The following RAPGEF2 variants were observed in gnomAD, a reference collection of about 807,000 sequenced individuals.
RAPGEF2 encodes PDZ domain containing guanine nucleotide exchange factor (GEF) 1.
RAPGEF2 carries 54 observed loss-of-function variants against 186.7 expected under a neutral mutation model. The observed-to-expected ratio is 0.29, with a 90% CI of 0.23 to 0.36. The LOEUF is 0.36. RAPGEF2 is among the 10% of genes least tolerant of loss of function. The probability of loss-of-function intolerance (pLI) is 1.00; values close to 1 mark genes in which losing one functional copy is unlikely to be tolerated. For synonymous variants in RAPGEF2, 712 were observed against 705.9 expected (o/e 1.01, Z -0.14); for missense variants, 1,532 against 2,045.0 (o/e 0.75, Z 4.84).
intron 1 of RAPGEF2, among the ~76,000 whole-genome samples, chr4:159,105,387 G>A (rs1046954182): frequency 1.3e-5 from 2 of 152,148 alleles, no homozygotes; most frequent in African/African-American, 4.8e-5. Context: ...TTTACTGTGG[G>A]GAGAGCATAA....
rs75566961 is a variant in RAPGEF2 at position 159,281,944 on chromosome 4, C to T, written c.544-22398C>T. Among the ~76,000 whole-genome samples, 1,397 of 152,194 alleles carry T rather than the reference C, an allele frequency of 9.2e-3. 11 individuals carry two copies. The highest frequency in any genetic ancestry group is 0.017 in the Middle Eastern group (5 of 294). On this transcript the variant is annotated intron_variant, in intron 7 of 29. Coordinates refer to ENST00000691494, the MANE Select transcript of RAPGEF2 (RefSeq NM_001394067.2). ...GTTATTGTTGTTAGATTGTAATGCT[C>T]GAGTCATTCCTATGTGGGTTGGAAC...
chr4:159,180,488 A>G (rs1364760036), intron 1 of RAPGEF2, among the ~76,000 whole-genome samples: 3 of 152,200 alleles, frequency 2.0e-5, no homozygotes. Context: ...AACTGCATCT[A>G]TAATAGCAGA....
At chr4:159,166,783 T>C (rs1292315442) in intron 1 of RAPGEF2, among the ~76,000 whole-genome samples, 2 of 152,240 alleles carry the variant, frequency 1.3e-5, no homozygotes, top group East Asian at 3.9e-4. Context: ...TTGTGATACA[T>C]GAGTAAATGT....
At chr4:159,118,497 C>T (rs1739301236) in intron 1 of RAPGEF2, among the ~76,000 whole-genome samples, 1 of 152,016 alleles carries the variant, frequency 6.6e-6, no homozygotes, top group Admixed American at 6.6e-5. Context: ...CCCCCCCGCC[C>T]AACCCTGTGG....
chr4:159,162,343 G>A (rs886151429), intron 1 of RAPGEF2, among the ~76,000 whole-genome samples: 1 of 148,980 alleles, frequency 6.7e-6, no homozygotes, highest in Non-Finnish European at 1.5e-5. Flanking sequence ...GTTACAGTGA[G>A]CTATGATAAC....
At chr4:159,244,134 A>AT (rs1266158311) in intron 7 of RAPGEF2, among the ~76,000 whole-genome samples, 5 of 151,776 alleles carry the variant, frequency 3.3e-5, no homozygotes, top group African/African-American at 7.2e-5. Flanking sequence ...GACATAAAGG[A>AT]TTTTTTTTCC....
At chr4:159,346,098 C>T (rs1730272471) in intron 24 of RAPGEF2, among the ~76,000 whole-genome samples, 1 of 152,188 alleles carries the variant, frequency 6.6e-6, no homozygotes, top group African/African-American at 2.4e-5. Context: ...TCTCCTCTTA[C>T]TAGCTGCAGC....
chr4:159,131,752 C>T (rs926195654), intron 1 of RAPGEF2, among the ~76,000 whole-genome samples: 1 of 151,368 alleles, frequency 6.6e-6, no homozygotes, highest in Non-Finnish European at 1.5e-5. Context: ...TACAGCCCGG[C>T]ATCTCCTTGT....
At chr4:159,286,634 C>T (rs549455726) in intron 7 of RAPGEF2, among the ~76,000 whole-genome samples, 5 of 152,248 alleles carry the variant, frequency 3.3e-5, no homozygotes, top group African/African-American at 1.2e-4. Flanking sequence ...CCATCTTACC[C>T]ACTCTGCTTC....
chr4:159,275,760 A>G (rs1465043390), intron 7 of RAPGEF2, among the ~76,000 whole-genome samples: 1 of 152,128 alleles, frequency 6.6e-6, no homozygotes, highest in Non-Finnish European at 1.5e-5. Flanking sequence ...AAAGTGGCAG[A>G]AAAGAACATC....
At chr4:159,326,472 A>G (rs1765940461) in intron 11 of RAPGEF2, among the ~76,000 whole-genome samples, 1 of 152,234 alleles carries the variant, frequency 6.6e-6, no homozygotes, top group African/African-American at 2.4e-5. Flanking sequence ...TTCCAAAATG[A>G]ATATTGGTTT....
chr4:159,148,584 C>T (rs188515674), intron 1 of RAPGEF2, among the ~76,000 whole-genome samples: 201 of 152,212 alleles, frequency 1.3e-3, no homozygotes, highest in Non-Finnish European at 2.3e-3. Context: ...TTTAACTACT[C>T]CTATTGAATG....
chr4:159,283,059 A>G (rs965973430), intron 7 of RAPGEF2, among the ~76,000 whole-genome samples: 2 of 152,208 alleles, frequency 1.3e-5, no homozygotes, highest in Non-Finnish European at 2.9e-5. Context: ...GGAAGTTATA[A>G]TATCTTCTTT....
chr4:159,228,680 G>T (rs1014292811), intron 4 of RAPGEF2, among the ~76,000 whole-genome samples: 2 of 152,044 alleles, frequency 1.3e-5, no homozygotes, highest in Non-Finnish European at 2.9e-5. Context: ...AATAGAAGCC[G>T]GTTAAAGTCC....
intron 3 of RAPGEF2, among the ~76,000 whole-genome samples, chr4:159,202,128 A>G (rs962233929): frequency 1.3e-5 from 2 of 152,142 alleles, no homozygotes; most frequent in Non-Finnish European, 2.9e-5. Flanking sequence ...GTTTCTGGAC[A>G]TTTTGCCTAT....
At chr4:159,139,405 A>G (rs1265835805) in intron 1 of RAPGEF2, among the ~76,000 whole-genome samples, 1 of 152,196 alleles carries the variant, frequency 6.6e-6, no homozygotes, top group Non-Finnish European at 1.5e-5. Context: ...ATTTCAGATC[A>G]TATTTCTGTA....
chr4:159,182,987 A>G (rs533789796), intron 1 of RAPGEF2, among the ~76,000 whole-genome samples: 14 of 152,350 alleles, frequency 9.2e-5, no homozygotes, highest in South Asian at 2.1e-4. Flanking sequence ...TAAGATGGCA[A>G]TACTACTCGG....
At position 159,332,598 on chromosome 4, in the gene RAPGEF2, T is replaced by A; in HGVS notation, c.2036T>A (p.Val679Glu). Residue 679 changes from valine to glutamate, a missense_variant, in exon 17 of 30, where the codon GTG becomes GAG. Around this residue, in one of 4 missense-constraint regions of RAPGEF2, gnomAD observed 810 missense variants for 1,210.5 expected, o/e 0.67. Transcript: ENST00000691494. ...GAACAGGTGATAGGACTTGAAAAAG[T>A]GAACAAAAAAAGTAAAGCCAACACT... ...DVEQVIGLEKVNKKSKANTVG... is the reference protein window; with the variant it reads ...DVEQVIGLEKENKKSKANTVG... 1 of 1,614,030 alleles carries A rather than the reference T, an allele frequency of 6.2e-7. No individual in the cohort carries two copies. The highest frequency in any genetic ancestry group is 8.5e-7 in the Non-Finnish European group (1 of 1,179,982).
At chr4:159,284,905 T>C (rs1279349777) in intron 7 of RAPGEF2, among the ~76,000 whole-genome samples, 1 of 152,094 alleles carries the variant, frequency 6.6e-6, no homozygotes, top group East Asian at 1.9e-4. Context: ...ACTGAAAAAT[T>C]AGCGGGGCGT....
Sources: gnomAD v4.1 joint callset for allele counts (sites outside exome capture counted in the v4.1 genomes callset) on GRCh38, gnomAD v4.1.1 for gene constraint, gnomAD v4.1.1 regional missense constraint, MANE v1.5 for transcripts, NCBI Gene and HGNC (gene_info 2026-07-23, HGNC 2026-07-21) for gene names.